The following INSR variants were observed in gnomAD, a reference collection of about 807,000 sequenced individuals.
INSR encodes IR.
INSR carries 67 observed loss-of-function variants against 142.6 expected under a neutral mutation model. That is an observed-to-expected ratio of 0.47 (90% CI 0.39 to 0.58). The LOEUF is 0.58. INSR is among the 20% of genes least tolerant of loss of function. The pLI, the probability that INSR is intolerant of heterozygous loss-of-function variation, is 0.00. For synonymous variants in INSR, 756 were observed against 743.1 expected (o/e 1.02, Z -0.28); for missense variants, 1,248 against 1,833.2 (o/e 0.68, Z 5.83).
At chr19:7,206,936 C>T (rs903053792) in intron 2 of INSR, among the ~76,000 whole-genome samples, 2 of 152,134 alleles carry the variant, frequency 1.3e-5, no homozygotes, top group African/African-American at 4.8e-5. Context: ...TAACAGAACA[C>T]TCAAGTCTAA....
chr19:7,208,229 A>C (rs1975170804), intron 2 of INSR, among the ~76,000 whole-genome samples: 2 of 151,924 alleles, frequency 1.3e-5, no homozygotes, highest in South Asian at 4.1e-4. Context: ...TCCTAATTCC[A>C]CGCCCACCTC....
intron 2 of INSR, among the ~76,000 whole-genome samples, chr19:7,193,981 G>A (rs947752851): frequency 7.9e-6 from 1 of 127,238 alleles, no homozygotes; most frequent in Non-Finnish European, 1.7e-5. Flanking sequence ...ATAGGCGTAA[G>A]CCACAATGCC....
In INSR at chr19:7,141,860, G is replaced by C. The variant is rs16994200; in HGVS notation, c.2543-44C>G. On this transcript the variant is annotated intron_variant, in intron 12 of 21. Transcript: ENST00000302850. ...AGAGGCAGGGATGTAACTCTTGGAT[G>C]AGATCCCACTTCTGCCACCTGTCCA... The C allele has an allele frequency of 9.5e-3, 14,425 of 1,515,152 alleles. 161 individuals are homozygous for C. Among genetic ancestry groups the C allele is most frequent in the African/African-American group, 0.043 (3,171 of 73,022 alleles). The allele number at this position is 1,515,152 out of a possible 1,614,324, so 93.9% of individuals were successfully genotyped here. A position where few individuals can be genotyped will look rare whatever the true frequency, so the allele number is the denominator to read the frequency against.
intron 2 of INSR, among the ~76,000 whole-genome samples, chr19:7,252,003 G>A (rs11672443): frequency 0.26 from 39,046 of 152,112 alleles, 5,584 homozygotes; most frequent in East Asian, 0.5. Context: ...CCCAGGTGCG[G>A]TGGCTCACGC....
In INSR at chr19:7,150,674, A is replaced by G; in HGVS notation, c.2232-142T>C. The G allele has an allele frequency of 4.0e-6, 3 of 751,914 alleles. No homozygotes were observed. The South Asian group carries it at 4.4e-5, about 11-fold the overall frequency. The allele number at this position is 751,914 out of a possible 1,614,324, so 46.6% of individuals were successfully genotyped here. A position where few individuals can be genotyped will look rare whatever the true frequency, so the allele number is the denominator to read the frequency against. ...GGACCACTCGCTCCCATCACTTGCT[A>G]GACGGAGTGAGCTACATCTTCCCCA... On this transcript the variant is annotated intron_variant, in intron 10 of 21. Transcript: ENST00000302850. The surrounding 1 kb of genome is among the most constrained non-coding windows in gnomAD (Gnocchi z 4.2).
At chr19:7,264,615 TC>T (rs1224409736) in intron 2 of INSR, among the ~76,000 whole-genome samples, 1 of 152,210 alleles carries the variant, frequency 6.6e-6, no homozygotes, top group African/African-American at 2.4e-5. Flanking sequence ...AGAGAGGACA[TC>T]CTTCCCACTC....
At chr19:7,274,148 GT>G in intron 1 of INSR, among the ~76,000 whole-genome samples, 1 of 152,024 alleles carries the variant, frequency 6.6e-6, no homozygotes, top group East Asian at 1.9e-4. Flanking sequence ...GGTGGTGATG[GT>G]TTTAGAATGA....
intron 2 of INSR, among the ~76,000 whole-genome samples, chr19:7,256,030 G>C (rs1379879084): frequency 6.6e-6 from 1 of 151,932 alleles, no homozygotes; most frequent in Non-Finnish European, 1.5e-5. Flanking sequence ...ATACTCTCTA[G>C]GGTACTTGTT....
intron 2 of INSR, among the ~76,000 whole-genome samples, chr19:7,252,066 G>A (rs1976745180): frequency 6.6e-6 from 1 of 152,028 alleles, no homozygotes. Flanking sequence ...CTGAGGTCCG[G>A]AGTTCAAGAC....
At chr19:7,194,472 G>A (rs1974684739) in intron 2 of INSR, among the ~76,000 whole-genome samples, 1 of 151,212 alleles carries the variant, frequency 6.6e-6, no homozygotes, top group Non-Finnish European at 1.5e-5. Context: ...TGGGGCTCAG[G>A]GGTGAAGTGT....
At position 7,261,692 on chromosome 19, in the gene INSR, G is replaced by A. The variant is rs560475294; in HGVS notation, c.652+5653C>T. On this transcript the variant is annotated intron_variant, in intron 2 of 21. Transcript: ENST00000302850. ...ATTACAGGCGCCCACCACCACGCCT[G>A]GCTAATTTTCATATTTTTAGTAGAG... 1.3e-4 allele frequency among the ~76,000 whole-genome samples: 20 copies of A among 152,060 alleles called. 1 individual carries two copies. The East Asian group carries it at 3.5e-3, about 27-fold the overall frequency.
At chr19:7,189,160 G>C (rs1974511073) in intron 2 of INSR, among the ~76,000 whole-genome samples, 1 of 125,090 alleles carries the variant, frequency 8.0e-6, no homozygotes, top group African/African-American at 2.7e-5. Flanking sequence ...CGGAGTTCCA[G>C]CACTCTGGCA....
chr19:7,232,074 C>G (rs1055704451), intron 2 of INSR, among the ~76,000 whole-genome samples: 2 of 152,126 alleles, frequency 1.3e-5, no homozygotes, highest in Admixed American at 6.6e-5. Flanking sequence ...ACACCTCATT[C>G]CCGGGGGTAC....
chr19:7,133,497 G>A (rs1972835282), intron 13 of INSR, among the ~76,000 whole-genome samples: 1 of 152,162 alleles, frequency 6.6e-6, no homozygotes, highest in African/African-American at 2.4e-5. Flanking sequence ...TTCCTAGAAC[G>A]TATTCCTCCC....
rs980562471 is a variant in INSR, at chr19:7,121,289, G to A, written c.3530-540C>T. Among the ~76,000 whole-genome samples, 6 of 151,966 alleles carry A rather than the reference G, an allele frequency of 3.9e-5. No individual in the cohort carries two copies. The East Asian group carries it at 5.8e-4, about 15-fold the overall frequency. On this transcript the variant is annotated intron_variant, in intron 19 of 21. Coordinates refer to ENST00000302850, the MANE Select transcript of INSR (RefSeq NM_000208.4). ...GCTGGGATTACAGGGGTGAGCCACCGCACCTGGCCAGGAGATGTCTTTTTG... is the reference window on the plus strand; with the variant it reads ...GCTGGGATTACAGGGGTGAGCCACCACACCTGGCCAGGAGATGTCTTTTTG...
chr19:7,155,158 A>G (rs1973556888), intron 9 of INSR, among the ~76,000 whole-genome samples: 2 of 152,152 alleles, frequency 1.3e-5, no homozygotes, highest in South Asian at 4.1e-4. Context: ...GGAAAGCACC[A>G]TCCACATATC....
chr19:7,200,859 CAAAAAAAAA>C (rs59770137), intron 2 of INSR, among the ~76,000 whole-genome samples: 2 of 76,312 alleles, frequency 2.6e-5, no homozygotes, highest in South Asian at 5.9e-4. Context: ...GACCTTATCT[CAAAAAAAAA>C]AAAAAAAAAA....
At chr19:7,149,363 A>G (rs978165460) in intron 11 of INSR, among the ~76,000 whole-genome samples, 1 of 152,178 alleles carries the variant, frequency 6.6e-6, no homozygotes, top group Admixed American at 6.6e-5. Context: ...CTGCTAAAGG[A>G]AGAAAATCTC....
At chr19:7,222,106 A>C (rs1192506315) in intron 2 of INSR, among the ~76,000 whole-genome samples, 1 of 136,924 alleles carries the variant, frequency 7.3e-6, no homozygotes, top group Non-Finnish European at 1.5e-5. Context: ...GCTAGAAGAC[A>C]CTCTGAGCCT....
Sources: allele counts gnomAD v4.1 joint callset (sites outside exome capture counted in the v4.1 genomes callset), GRCh38; gene constraint gnomAD v4.1.1; non-coding constraint Gnocchi (gnomAD v3.1); transcripts MANE v1.5; gene names NCBI Gene and HGNC (gene_info 2026-07-23, HGNC 2026-07-21).